ERC2: variants seen among roughly 807,000 people sequenced by gnomAD.
The protein encoded by ERC2 is ERC protein 2.
A neutral mutation model predicts 114.8 loss-of-function variants in ERC2; 42 were observed. The ratio of observed to expected loss-of-function variants is 0.37; its 90% CI spans 0.29 to 0.47. The LOEUF is 0.47. Among genes scored for constraint, ERC2 ranks in the 20% least tolerant of loss-of-function variants. The pLI is 0.99. For missense variants in ERC2, 939 were observed against 1,150.7 expected, an observed-to-expected ratio of 0.82 and a Z score of 2.66; for synonymous variants, 454 against 425.5, an observed-to-expected ratio of 1.07 and a Z score of -0.82.
intron 2 of ERC2, among the ~76,000 whole-genome samples, chr3:56,383,416 A>T (rs1396762305): frequency 1.3e-5 from 2 of 152,032 alleles, no homozygotes; most frequent in Non-Finnish European, 2.9e-5. Context: ...CACATACTAC[A>T]CTTTGTTGCT....
At chr3:56,204,373 GC>G (rs1447764753) in intron 3 of ERC2, among the ~76,000 whole-genome samples, 5 of 152,018 alleles carry the variant, frequency 3.3e-5, no homozygotes, top group Admixed American at 6.6e-5. Context: ...CTTTACTTTT[GC>G]TCTGCTAACT....
At chr3:56,390,525 C>A (rs938469589) in intron 2 of ERC2, among the ~76,000 whole-genome samples, 1 of 152,046 alleles carries the variant, frequency 6.6e-6, no homozygotes, top group Non-Finnish European at 1.5e-5. Context: ...GATTCTAAAG[C>A]CAAAACTAGG....
At chr3:56,237,601 A>G (rs1283261515) in intron 3 of ERC2, among the ~76,000 whole-genome samples, 1 of 152,152 alleles carries the variant, frequency 6.6e-6, no homozygotes, top group African/African-American at 2.4e-5. Flanking sequence ...TTCTTAAGCA[A>G]TCCTCTCTGG....
intron 3 of ERC2, among the ~76,000 whole-genome samples, chr3:56,174,719 C>T (rs747901599): frequency 1.3e-5 from 2 of 152,128 alleles, no homozygotes; most frequent in Non-Finnish European, 2.9e-5. Context: ...GTGGCTCACG[C>T]CTGTAATACC....
intron 3 of ERC2, among the ~76,000 whole-genome samples, chr3:56,240,012 C>T (rs1173436871): frequency 6.6e-6 from 1 of 152,162 alleles, no homozygotes; most frequent in Non-Finnish European, 1.5e-5. Flanking sequence ...CTTTTACAAA[C>T]CTTCCCGAGT....
chr3:55,758,208 C>A (rs2067183328), intron 14 of ERC2, among the ~76,000 whole-genome samples: 1 of 152,168 alleles, frequency 6.6e-6, no homozygotes, highest in Non-Finnish European at 1.5e-5. Context: ...ATCTAAAAAT[C>A]TTTTGTGCAA....
At chr3:56,052,553 G>A (rs2075822489) in intron 7 of ERC2, among the ~76,000 whole-genome samples, 1 of 152,242 alleles carries the variant, frequency 6.6e-6, no homozygotes. Flanking sequence ...ATGACCCTCA[G>A]ACCAGTGAAT....
intron 14 of ERC2, among the ~76,000 whole-genome samples, chr3:55,843,550 T>G (rs2061227145): frequency 6.6e-6 from 1 of 152,280 alleles, no homozygotes; most frequent in Admixed American, 6.5e-5. Context: ...AAGTGTGATT[T>G]ATTGTCATGG....
chr3:56,162,978 T>C (rs1485334366), intron 4 of ERC2, among the ~76,000 whole-genome samples: 2 of 152,092 alleles, frequency 1.3e-5, no homozygotes, highest in Non-Finnish European at 2.9e-5. Flanking sequence ...TTGAGATCCT[T>C]CTAACTTTTT....
intron 16 of ERC2, among the ~76,000 whole-genome samples, chr3:55,688,395 C>G (rs1264379504): frequency 6.6e-6 from 1 of 152,092 alleles, no homozygotes; most frequent in Non-Finnish European, 1.5e-5. Flanking sequence ...CCAAAGGACA[C>G]CTGGCCAGCA....
chr3:56,138,209 G>A (rs1486147102), intron 6 of ERC2, among the ~76,000 whole-genome samples: 3 of 151,758 alleles, frequency 2.0e-5, no homozygotes, highest in Non-Finnish European at 2.9e-5. Context: ...ACAGGCACCC[G>A]CCACCACGCC....
intron 14 of ERC2, among the ~76,000 whole-genome samples, chr3:55,822,718 A>G (rs964688950): frequency 2.0e-5 from 3 of 147,372 alleles, no homozygotes. Flanking sequence ...GGCACCCGCC[A>G]CTCTCCTACC....
intron 2 of ERC2, among the ~76,000 whole-genome samples, chr3:56,428,164 C>G (rs941951308): frequency 3.9e-5 from 6 of 152,170 alleles, no homozygotes; most frequent in Admixed American, 6.5e-5. Context: ...CACAACTCAT[C>G]ATATCTGGAC....
chr3:56,213,381 C>T (rs1021901096), intron 3 of ERC2, among the ~76,000 whole-genome samples: 2 of 152,198 alleles, frequency 1.3e-5, no homozygotes, highest in East Asian at 3.9e-4. Flanking sequence ...CTGTGTCTGG[C>T]TCAGAGGGTC....
intron 2 of ERC2, among the ~76,000 whole-genome samples, chr3:56,308,076 T>C (rs1427069972): frequency 6.6e-6 from 1 of 152,158 alleles, no homozygotes; most frequent in Admixed American, 6.5e-5. Context: ...TCCTGTCCTC[T>C]CCATCAAAAC....
At chr3:55,615,081 ATAT>A (rs2059069970) in intron 17 of ERC2, among the ~76,000 whole-genome samples, 1 of 152,222 alleles carries the variant, frequency 6.6e-6, no homozygotes, top group Admixed American at 6.5e-5. Flanking sequence ...AAAGAAAAAT[ATAT>A]TATTTAGTTT....
At chr3:55,538,422 T>G (rs911922178) in intron 17 of ERC2, among the ~76,000 whole-genome samples, 3 of 152,146 alleles carry the variant, frequency 2.0e-5, no homozygotes, top group Admixed American at 6.5e-5. Context: ...ACACCACACA[T>G]CTCCAGCCTC....
intron 13 of ERC2, among the ~76,000 whole-genome samples, chr3:55,926,138 A>T (rs2065734376): frequency 6.6e-6 from 1 of 152,216 alleles, no homozygotes; most frequent in Non-Finnish European, 1.5e-5. Flanking sequence ...AATAGTGTAT[A>T]CATCATTAAA....
At chr3:56,160,943 A>G (rs1248502063) in intron 4 of ERC2, among the ~76,000 whole-genome samples, 1 of 151,972 alleles carries the variant, frequency 6.6e-6, no homozygotes, top group Non-Finnish European at 1.5e-5. Flanking sequence ...TTTGCTTAGG[A>G]TTGCTTATAT....
Sources: gnomAD v4.1 joint callset for allele counts (sites outside exome capture counted in the v4.1 genomes callset) on GRCh38, gnomAD v4.1.1 for gene constraint, MANE v1.5 for transcripts, NCBI Gene and HGNC (gene_info 2026-07-23, HGNC 2026-07-21) for gene names.